The following ASCC3 variants were observed in gnomAD, a reference collection of about 807,000 sequenced individuals.
ASCC3 encodes ASC-1 complex subunit P200.
In ASCC3, 158 loss-of-function variants were observed where a neutral mutation model predicts 256.3. The observed-to-expected ratio is 0.62, with a 90% CI of 0.54 to 0.70. ASCC3 has a LOEUF of 0.70. Ranked by LOEUF, ASCC3 falls within the 30% of genes least tolerant of loss-of-function variation. The pLI, the probability that ASCC3 is intolerant of heterozygous loss-of-function variation, is 0.00. For synonymous variants in ASCC3, 948 were observed against 883.4 expected, an observed-to-expected ratio of 1.07 and a Z score of -1.30; for missense variants, 2,259 against 2,626.0, an observed-to-expected ratio of 0.86 and a Z score of 3.05.
intron 34 of ASCC3, among the ~76,000 whole-genome samples, chr6:100,597,159 C>T (rs1772342880): frequency 1.3e-5 from 2 of 152,096 alleles, no homozygotes; most frequent in Admixed American, 1.3e-4. Context: ...CTCCCATCTC[C>T]CCCCAGGCCG....
At chr6:100,848,857 A>C in intron 3 of ASCC3, 150 bp from the exon 4 acceptor site, 1 of 777,876 alleles carries the variant, frequency 1.3e-6, no homozygotes, top group African/African-American at 1.7e-5. Context: ...TATAATCCCC[A>C]CACTCTGGAA....
chr6:100,867,188 G>C (rs759894952), intron 2 of ASCC3, among the ~76,000 whole-genome samples: 76 of 152,124 alleles, frequency 5.0e-4, no homozygotes, highest in African/African-American at 1.7e-3. Flanking sequence ...GCCCATTTTT[G>C]ACCTAGTGAG....
At chr6:100,754,792 G>C (rs1781097987) in intron 10 of ASCC3, among the ~76,000 whole-genome samples, 2 of 152,194 alleles carry the variant, frequency 1.3e-5, no homozygotes, top group South Asian at 4.2e-4. Flanking sequence ...GGGACCCAGT[G>C]GGAGGTAACT....
chr6:100,801,907 A>G (rs377037752), intron 5 of ASCC3, among the ~76,000 whole-genome samples: 5 of 150,372 alleles, frequency 3.3e-5, no homozygotes, highest in South Asian at 2.1e-4. Context: ...TGTATTTATC[A>G]GAAATGAATG....
chr6:100,606,178 G>A (rs9485222), intron 32 of ASCC3, among the ~76,000 whole-genome samples: 9,693 of 151,988 alleles, frequency 0.064, 725 homozygotes, highest in East Asian at 0.31. Flanking sequence ...ATAAATCTCT[G>A]AGATAACTAA....
Position 100,721,026 on chromosome 6 carries a change from ACTTT to A in ASCC3, c.1903-2779_1903-2776del, listed in dbSNP as rs1779303566. ...AAACAATTTACAAAATTATTTGTAA[ACTTT>A]CTAAGGTTATAATGCCTGCTTAAAA... On this transcript the variant is annotated intron_variant, in intron 11 of 41. Coordinates refer to ENST00000369162, the MANE Select transcript of ASCC3 (RefSeq NM_006828.4). 2.0e-5 allele frequency among the ~76,000 whole-genome samples: 3 copies of A among 150,582 alleles called. No individual in the cohort carries two copies. The Admixed American group carries it at 2.0e-4, about 10-fold the overall frequency.
In ASCC3 at chr6:100,655,350, T is replaced by TTATCAAATATGGTCTATAAGTTTCCTC. The variant is rs1775865577; in HGVS notation, c.2823+322_2823+348dup. Among the ~76,000 whole-genome samples the TTATCAAATATGGTCTATAAGTTTCCTC allele has an allele frequency of 3.9e-5, 6 of 151,972 alleles. No homozygotes were observed. In the South Asian group the frequency reaches 1.2e-3, roughly 32 times the overall value. ...ACAGATTGTATATAACCTAAGCTGA[T>TTATCAAATATGGTCTATAAGTTTCCTC]TATCAAATATGGTCTATAAGTTTCC... is the stretch of plus-strand genomic sequence containing the variant. On this transcript the variant is annotated intron_variant, in intron 17 of 41. Transcript: ENST00000369162.
chr6:100,611,309 G>T (rs556240560), intron 30 of ASCC3, among the ~76,000 whole-genome samples: 2 of 152,184 alleles, frequency 1.3e-5, no homozygotes, highest in African/African-American at 4.8e-5. Context: ...ATCATAAAAA[G>T]CAAAATTTAT....
At chr6:100,765,901 T>G (rs762506304) in intron 10 of ASCC3, among the ~76,000 whole-genome samples, 1 of 152,202 alleles carries the variant, frequency 6.6e-6, no homozygotes, top group African/African-American at 2.4e-5. Flanking sequence ...ACTATGAATT[T>G]TTCCATTAAT....
chr6:100,767,347 T>TA lies in ASCC3; in HGVS notation c.1396-3dup. The TA allele has an allele frequency of 1.3e-6, 2 of 1,584,134 alleles. No homozygotes were observed. The highest frequency in any genetic ancestry group is 2.7e-5 in the African/African-American group (2 of 74,178). On this transcript the variant is annotated splice_region_variant and splice_polypyrimidine_tract_variant and intron_variant, in intron 8 of 41. Transcript: ENST00000369162. ...TCCTTTAAAAGCCAGCTGTCCGATC[T>TA]AAAAAAAAAAGGCATCACCCATTAT... is the stretch of plus-strand genomic sequence containing the variant.
At chr6:100,854,864 T>C (rs991031411) in intron 3 of ASCC3, among the ~76,000 whole-genome samples, 3 of 152,176 alleles carry the variant, frequency 2.0e-5, no homozygotes, top group African/African-American at 7.2e-5. Flanking sequence ...TTAACTTCCA[T>C]TTTAGATTGT....
At chr6:100,517,938 A>G (rs549330173) in intron 38 of ASCC3, 53 bp downstream of exon 38, 12 of 1,578,996 alleles carry the variant, frequency 7.6e-6, no homozygotes, top group African/African-American at 5.4e-5. Context: ...TATATAAAAA[A>G]TATTTTTTTG....
intron 36 of ASCC3, among the ~76,000 whole-genome samples, chr6:100,567,610 A>T (rs1770336708): frequency 6.6e-6 from 1 of 152,116 alleles, no homozygotes; most frequent in African/African-American, 2.4e-5. Context: ...CTTTGTGTCC[A>T]TGAGTACCCA....
chr6:100,577,841 T>C (rs1770956504), intron 36 of ASCC3, among the ~76,000 whole-genome samples: 1 of 152,034 alleles, frequency 6.6e-6, no homozygotes, highest in Non-Finnish European at 1.5e-5. Flanking sequence ...TTACACATTG[T>C]AGACACACAA....
At chr6:100,668,400 T>C (rs991253933) in intron 14 of ASCC3, among the ~76,000 whole-genome samples, 1 of 152,102 alleles carries the variant, frequency 6.6e-6, no homozygotes, top group Non-Finnish European at 1.5e-5. Context: ...TAGGAAAATA[T>C]TGTTACTAAT....
At chr6:100,848,745 A>C in intron 3 of ASCC3, 38 bp from the exon 4 acceptor site, 1 of 1,590,680 alleles carries the variant, frequency 6.3e-7, no homozygotes. Flanking sequence ...AGCTCAATTG[A>C]ATCATGGTTC....
chr6:100,601,948 CA>C lies in ASCC3; in HGVS notation c.5178-14del. On this transcript the variant is annotated splice_polypyrimidine_tract_variant and intron_variant, in intron 33 of 41. Coordinates refer to ENST00000369162, the MANE Select transcript of ASCC3 (RefSeq NM_006828.4). ...CACTCCTAATAAACTATATAGTGAA[CA>C]AGACATGGGAAGCATACAAGAGCAT... The C allele has an allele frequency of 2.5e-6, 4 of 1,610,844 alleles. No homozygotes were observed. The highest frequency in any genetic ancestry group is 3.4e-6 in the Non-Finnish European group (4 of 1,178,086).
intron 10 of ASCC3, among the ~76,000 whole-genome samples, chr6:100,734,487 T>C (rs1026499990): frequency 1.3e-5 from 2 of 152,152 alleles, no homozygotes; most frequent in South Asian, 2.1e-4. Flanking sequence ...CAGTGTGACC[T>C]TGGGCAACTT....
intron 13 of ASCC3, among the ~76,000 whole-genome samples, chr6:100,693,779 A>G (rs188598632): frequency 1.3e-5 from 2 of 152,300 alleles, no homozygotes; most frequent in Admixed American, 1.3e-4. Flanking sequence ...ATGAGAAACT[A>G]ATGCTGTAAG....
Sources: allele counts gnomAD v4.1 joint callset (sites outside exome capture counted in the v4.1 genomes callset), GRCh38; gene constraint gnomAD v4.1.1; transcripts MANE v1.5; gene names NCBI Gene and HGNC (gene_info 2026-07-23, HGNC 2026-07-21).